Variants in PLCB1 observed in about 807,000 individuals in gnomAD.
The protein encoded by PLCB1 is 1-phosphatidylinositol 4,5-bisphosphate phosphodiesterase beta-1.
PLCB1 carries 46 observed loss-of-function variants against 161.8 expected under a neutral mutation model. The ratio of observed to expected loss-of-function variants is 0.28; its 90% CI spans 0.22 to 0.36. The LOEUF is 0.36. Ranked by LOEUF, PLCB1 falls within the 10% of genes least tolerant of loss-of-function variation. PLCB1 has a pLI of 1.00. For missense variants in PLCB1, 1,016 were observed against 1,472.5 expected, an observed-to-expected ratio of 0.69 and a Z score of 5.07; for synonymous variants, 517 against 503.7, an observed-to-expected ratio of 1.03 and a Z score of -0.35.
chr20:8,370,665 G>T (rs1057406030), intron 2 of PLCB1, among the ~76,000 whole-genome samples: 1 of 151,952 alleles, frequency 6.6e-6, no homozygotes, highest in African/African-American at 2.4e-5. Flanking sequence ...TTTTCTCTGA[G>T]CCCCTAGGAA....
chr20:8,857,049 T>C (rs539471370), intron 31 of PLCB1, among the ~76,000 whole-genome samples: 3 of 152,164 alleles, frequency 2.0e-5, no homozygotes, highest in Non-Finnish European at 4.4e-5. Flanking sequence ...TGAGGGTCAC[T>C]TGGATGTAGG....
intron 3 of PLCB1, among the ~76,000 whole-genome samples, chr20:8,606,328 A>C (rs1987757017): frequency 6.6e-6 from 1 of 152,150 alleles, no homozygotes; most frequent in South Asian, 2.1e-4. Flanking sequence ...GATTTGCAAA[A>C]TAAGATTATC....
intron 31 of PLCB1, among the ~76,000 whole-genome samples, chr20:8,838,272 A>G (rs999230817): frequency 6.6e-6 from 1 of 152,218 alleles, no homozygotes; most frequent in South Asian, 2.1e-4. Context: ...AAATGGACCT[A>G]TGGTGTTTTA....
chr20:8,312,649 A>G (rs941530339), intron 2 of PLCB1, among the ~76,000 whole-genome samples: 1 of 152,216 alleles, frequency 6.6e-6, no homozygotes, highest in African/African-American at 2.4e-5. Context: ...GGAAAAAACA[A>G]GGCAAAGCAT....
intron 3 of PLCB1, among the ~76,000 whole-genome samples, chr20:8,534,588 A>ATGGGGG (rs1555768018): frequency 1.3e-5 from 2 of 151,994 alleles, no homozygotes; most frequent in African/African-American, 4.8e-5. Flanking sequence ...GAGTGAAACA[A>ATGGGGG]CGGGGGCGTT....
chr20:8,745,385 T>TC (rs1981119904), intron 23 of PLCB1, among the ~76,000 whole-genome samples: 1 of 152,186 alleles, frequency 6.6e-6, no homozygotes, highest in African/African-American at 2.4e-5. Flanking sequence ...TTTTTTAGTA[T>TC]CATCATTTTA....
Position 8,637,720 on chromosome 20 carries a change from C to A in PLCB1, c.385-8382C>A, listed in dbSNP as rs74565566. 5.2e-3 allele frequency among the ~76,000 whole-genome samples: 791 copies of A among 152,274 alleles called. 3 individuals are homozygous for A. The highest frequency in any genetic ancestry group is 8.7e-3 in the Non-Finnish European group (594 of 68,024). On this transcript the variant is annotated intron_variant, in intron 4 of 31. Transcript: ENST00000338037. Reference sequence around the variant, plus strand: ...AGCCATGTGGGTTATGGTGTTGGAACTGAAACAAATAATCTGATATATTCT... The same window carrying A: ...AGCCATGTGGGTTATGGTGTTGGAAATGAAACAAATAATCTGATATATTCT...
chr20:8,648,174 A>G (rs1989217345), intron 6 of PLCB1, among the ~76,000 whole-genome samples: 1 of 152,178 alleles, frequency 6.6e-6, no homozygotes. Context: ...AAGAAATACC[A>G]AAGCAGGAAG....
intron 31 of PLCB1, among the ~76,000 whole-genome samples, chr20:8,852,774 A>C (rs1214805134): frequency 6.6e-6 from 1 of 152,254 alleles, no homozygotes; most frequent in Non-Finnish European, 1.5e-5. Flanking sequence ...TTTTCTTATA[A>C]TATTTACCAA....
chr20:8,498,675 G>A (rs1983280029), intron 3 of PLCB1, among the ~76,000 whole-genome samples: 1 of 152,136 alleles, frequency 6.6e-6, no homozygotes, highest in African/African-American at 2.4e-5. Context: ...GTTAGCTTTT[G>A]TTGCATAAAT....
At chr20:8,212,147 C>G (rs1978859008) in intron 2 of PLCB1, among the ~76,000 whole-genome samples, 1 of 151,910 alleles carries the variant, frequency 6.6e-6, no homozygotes, top group Non-Finnish European at 1.5e-5. Context: ...ATAGATGTTC[C>G]TAGTTTCTAT....
chr20:8,229,168 C>A (rs375536054), intron 2 of PLCB1, among the ~76,000 whole-genome samples: 1 of 151,994 alleles, frequency 6.6e-6, no homozygotes, highest in African/African-American at 2.4e-5. Context: ...GAAGAGCAGG[C>A]TTTTTCCTGA....
At chr20:8,814,103 T>C (rs966070909) in intron 31 of PLCB1, among the ~76,000 whole-genome samples, 1 of 152,198 alleles carries the variant, frequency 6.6e-6, no homozygotes, top group East Asian at 1.9e-4. Flanking sequence ...TATTCTTAGA[T>C]GTATTGGTCA....
At chr20:8,436,108 G>A (rs1980288972) in intron 3 of PLCB1, among the ~76,000 whole-genome samples, 1 of 152,144 alleles carries the variant, frequency 6.6e-6, no homozygotes, top group Non-Finnish European at 1.5e-5. Context: ...GGAGGCTGAG[G>A]CAGGTGGATC....
At chr20:8,635,965 A>C (rs904752323) in intron 4 of PLCB1, among the ~76,000 whole-genome samples, 1 of 152,232 alleles carries the variant, frequency 6.6e-6, no homozygotes, top group Non-Finnish European at 1.5e-5. Flanking sequence ...GAATTTTGAA[A>C]CACTTGCGTA....
intron 18 of PLCB1, among the ~76,000 whole-genome samples, chr20:8,730,314 T>C (rs1366450762): frequency 6.6e-6 from 1 of 151,940 alleles, no homozygotes; most frequent in Non-Finnish European, 1.5e-5. Flanking sequence ...ATAGTCTCAG[T>C]GAGATCAATC....
At chr20:8,830,100 C>T (rs781145542) in intron 31 of PLCB1, among the ~76,000 whole-genome samples, 23 of 152,130 alleles carry the variant, frequency 1.5e-4, no homozygotes, top group Non-Finnish European at 2.5e-4. Flanking sequence ...CACTGCGTAT[C>T]GTTTCCAGAG....
chr20:8,456,321 T>C (rs1278777026), intron 3 of PLCB1, among the ~76,000 whole-genome samples: 1 of 152,226 alleles, frequency 6.6e-6, no homozygotes, highest in Non-Finnish European at 1.5e-5. Context: ...AATGTGCTTG[T>C]ACCCAGCAGT....
At chr20:8,681,086 G>GTGTATATA (rs1394518085) in intron 9 of PLCB1, among the ~76,000 whole-genome samples, 87 of 73,822 alleles carry the variant, frequency 1.2e-3, no homozygotes, top group East Asian at 3.8e-3. Flanking sequence ...ATGTGTGTGT[G>GTGTATATA]TATATATATA....
Sources: allele counts gnomAD v4.1 joint callset (sites outside exome capture counted in the v4.1 genomes callset), GRCh38; gene constraint gnomAD v4.1.1; transcripts MANE v1.5; gene names NCBI Gene and HGNC (gene_info 2026-07-23, HGNC 2026-07-21).